Variants in GREB1L observed in about 807,000 individuals in gnomAD.
GREB1L encodes GREB1 like retinoic acid receptor coactivator.
GREB1L carries 17 observed loss-of-function variants against 200.8 expected under a neutral mutation model. That is an observed-to-expected ratio of 0.08 (90% CI 0.06 to 0.13). GREB1L has a LOEUF of 0.13. Ranked by LOEUF, GREB1L falls within the 10% of genes least tolerant of loss-of-function variation. The pLI, the probability that GREB1L is intolerant of heterozygous loss-of-function variation, is 1.00. For missense variants in GREB1L, 1,657 were observed against 2,367.7 expected (o/e 0.70, Z 6.23); for synonymous variants, 789 against 893.0 (o/e 0.88, Z 2.08).
At chr18:21,444,872 T>C (rs1311983717) in intron 11 of GREB1L, among the ~76,000 whole-genome samples, 1 of 152,226 alleles carries the variant, frequency 6.6e-6, no homozygotes, top group East Asian at 1.9e-4. Flanking sequence ...ACACCCATTT[T>C]TTTTCTTCTC....
chr18:21,388,610 T>G (rs2040648060), intron 4 of GREB1L, among the ~76,000 whole-genome samples: 1 of 145,832 alleles, frequency 6.9e-6, no homozygotes, highest in Non-Finnish European at 1.5e-5. Context: ...GGTGGTGCGA[T>G]CTCGGCTCAC....
chr18:21,268,862 G>T (rs185030581), intron 1 of GREB1L, among the ~76,000 whole-genome samples: 2 of 151,762 alleles, frequency 1.3e-5, no homozygotes, highest in African/African-American at 4.8e-5. Flanking sequence ...GGGATTACAG[G>T]TGTGAGCCAC....
intron 10 of GREB1L, among the ~76,000 whole-genome samples, chr18:21,442,239 G>T (rs1186453686): frequency 6.6e-6 from 1 of 152,156 alleles, no homozygotes; most frequent in Admixed American, 6.5e-5. Flanking sequence ...GCTGGCCTAG[G>T]CCAGAAGGAG....
intron 2 of GREB1L, among the ~76,000 whole-genome samples, chr18:21,379,603 G>A (rs918841815): frequency 3.9e-5 from 6 of 152,200 alleles, no homozygotes; most frequent in African/African-American, 1.4e-4. Flanking sequence ...CTGGAAAAAG[G>A]CTGAAAGTTC....
chr18:21,243,501 C>CG (rs2037542657), intron 1 of GREB1L, among the ~76,000 whole-genome samples: 1 of 152,222 alleles, frequency 6.6e-6, no homozygotes, highest in African/African-American at 2.4e-5. Flanking sequence ...CGCCTCCCCC[C>CG]GCCTCGAGGC....
In GREB1L at chr18:21,516,714, T is replaced by C; in HGVS notation, c.5231T>C (p.Val1744Ala). 2 of 1,551,532 alleles carry C rather than the reference T, an allele frequency of 1.3e-6. No homozygotes were observed. Among genetic ancestry groups the C allele is most frequent in the Non-Finnish European group, 1.7e-6 (2 of 1,146,906 alleles). ...NFSLMKKHVQ[V>A]GGQRDFIIKP... ...AGTCTCATGAAGAAACATGTTCAGGTTGGAGGGCAAAGGGACTTTATCATT... is the reference window on the plus strand; with the variant it reads ...AGTCTCATGAAGAAACATGTTCAGGCTGGAGGGCAAAGGGACTTTATCATT... Residue 1744 changes from valine to alanine, a missense_variant, in exon 30 of 33, where the codon GTT (valine) becomes GCT (alanine). Val to Ala is a moderately conservative substitution (Grantham distance 64). This residue lies in a region of GREB1L where 190 missense variants were observed against 230.2 expected (regional missense o/e 0.83). Transcript: ENST00000424526.
intron 1 of GREB1L, among the ~76,000 whole-genome samples, chr18:21,253,305 T>G (rs1316973236): frequency 6.7e-6 from 1 of 148,228 alleles, no homozygotes; most frequent in Admixed American, 7.0e-5. Context: ...CAGGCTGGAA[T>G]GCAATGGCAC....
At chr18:21,414,257 C>G (rs1014649711) in intron 7 of GREB1L, among the ~76,000 whole-genome samples, 1 of 151,106 alleles carries the variant, frequency 6.6e-6, no homozygotes, top group Non-Finnish European at 1.5e-5. Flanking sequence ...TTCTGTTAAG[C>G]AATAAAAGTA....
intron 12 of GREB1L, among the ~76,000 whole-genome samples, chr18:21,450,180 C>A (rs2034450403): frequency 1.3e-5 from 2 of 152,156 alleles, no homozygotes; most frequent in Admixed American, 1.3e-4. Context: ...TGGCCTAAGC[C>A]AGTTAATCGA....
At chr18:21,340,695 A>G (rs541341980) in intron 1 of GREB1L, among the ~76,000 whole-genome samples, 20 of 151,726 alleles carry the variant, frequency 1.3e-4, no homozygotes, top group Non-Finnish European at 2.5e-4. Context: ...GGCGCACGCC[A>G]CCATGCCTGG....
At position 21,485,634 on chromosome 18, in the gene GREB1L, C is replaced by T. The variant is rs1238756250; in HGVS notation, c.2571C>T (p.Cys857=). The change falls in exon 18 of 33, where the codon TGC becomes TGT. Residue 857 remains cysteine (C), a synonymous_variant. Coordinates refer to ENST00000424526, the MANE Select transcript of GREB1L (RefSeq NM_001142966.3). The stretch of plus-strand genomic sequence containing the variant: ...TTTTGAACCAGGAGGACGTGGGCTG[C>T]GAGGAGAAGCTGTACTTTGGCTTGA... ...IQLDTGEDVG[C]EEKLYFGLSE... is the part of the protein sequence containing the mutation. The T allele has an allele frequency of 2.6e-6, 4 of 1,551,120 alleles. No homozygotes were observed. The highest frequency in any genetic ancestry group is 1.2e-5 in the South Asian group (1 of 83,956).
Position 21,499,933 on chromosome 18 carries a change from C to G in GREB1L, c.3596C>G (p.Ser1199Cys). 6.5e-7 allele frequency: 1 copy of G among 1,550,378 alleles called. No individual in the cohort carries two copies. The change falls in exon 22 of 33, where the codon TCC becomes TGC. Residue 1199 changes from serine to cysteine, a missense_variant. Ser to Cys is a moderately radical substitution (Grantham distance 112, BLOSUM62 -1). This residue lies in a region of GREB1L where 512 missense variants were observed against 668.3 expected (regional missense o/e 0.77). Transcript: ENST00000424526. ...LGPQMASSTTSKPSSSSSGPR... is the reference protein window; with the variant it reads ...LGPQMASSTTCKPSSSSSGPR... ...CCCCAGATGGCGAGCAGCACCACCT[C>G]CAAGCCGTCATCATCATCCTCAGGA...
At chr18:21,350,769 A>G (rs2039421130) in intron 1 of GREB1L, among the ~76,000 whole-genome samples, 2 of 152,184 alleles carry the variant, frequency 1.3e-5, no homozygotes, top group African/African-American at 4.8e-5. Context: ...TGAACTAAAG[A>G]AAGTTAGAAC....
chr18:21,457,739 A>T (rs2034834858), intron 15 of GREB1L, among the ~76,000 whole-genome samples: 1 of 152,230 alleles, frequency 6.6e-6, no homozygotes, highest in Non-Finnish European at 1.5e-5. Context: ...ACCAATTGAT[A>T]GAAGAGAAAG....
intron 1 of GREB1L, among the ~76,000 whole-genome samples, chr18:21,328,182 C>G (rs576243398): frequency 6.6e-5 from 10 of 152,246 alleles, no homozygotes; most frequent in Admixed American, 1.3e-4. Flanking sequence ...CCATTGCCCC[C>G]CCCCGTTCCC....
At chr18:21,357,366 A>G (rs1308382841) in intron 1 of GREB1L, among the ~76,000 whole-genome samples, 10 of 152,150 alleles carry the variant, frequency 6.6e-5, no homozygotes. Context: ...TGAGTTATTT[A>G]TAGTTTGGAT....
intron 1 of GREB1L, among the ~76,000 whole-genome samples, chr18:21,296,039 A>T (rs930899026): frequency 6.6e-6 from 1 of 152,242 alleles, no homozygotes; most frequent in Non-Finnish European, 1.5e-5. Context: ...AGAACTTAAA[A>T]TAGAACTACA....
chr18:21,399,359 G>A (rs1365026408), intron 5 of GREB1L, among the ~76,000 whole-genome samples: 1 of 152,134 alleles, frequency 6.6e-6, no homozygotes. Flanking sequence ...GCTTTGTTCA[G>A]TGCTAAAAAA....
intron 1 of GREB1L, among the ~76,000 whole-genome samples, chr18:21,258,785 C>G (rs2037842415): frequency 6.6e-6 from 1 of 152,124 alleles, no homozygotes; most frequent in Admixed American, 6.6e-5. Context: ...TTCAATTGAT[C>G]ATCAAATTTA....
Sources: allele counts gnomAD v4.1 joint callset (sites outside exome capture counted in the v4.1 genomes callset), GRCh38; gene constraint gnomAD v4.1.1; regional missense constraint gnomAD v4.1.1; transcripts MANE v1.5; gene names NCBI Gene and HGNC (gene_info 2026-07-23, HGNC 2026-07-21).